SGPP2: variants seen among roughly 807,000 people sequenced by gnomAD.
SGPP2 encodes sphingosine-1-phosphate phosphatase 2.
A neutral mutation model predicts 33.9 loss-of-function variants in SGPP2; 30 were observed. That is an observed-to-expected ratio of 0.89 (90% CI 0.66 to 1.20). The LOEUF is 1.20. Among genes scored for constraint, SGPP2 ranks in the 50% most tolerant of loss-of-function variants. The pLI is 0.00. For synonymous variants in SGPP2, 233 were observed against 225.0 expected, an observed-to-expected ratio of 1.04 and a Z score of -0.32; for missense variants, 458 against 532.1, an observed-to-expected ratio of 0.86 and a Z score of 1.37.
chr2:222,444,133 C>T lies in SGPP2; in HGVS notation c.219+19312C>T, dbSNP rs368062052. Reference sequence around the variant, plus strand: ...GTCTTTTCCAAGAAGAAATTCCTCTCTTGTTGTAGAGCATGGGTGATGGGA... The same window carrying T: ...GTCTTTTCCAAGAAGAAATTCCTCTTTTGTTGTAGAGCATGGGTGATGGGA... On this transcript the variant is annotated intron_variant, in intron 1 of 4. Transcript: ENST00000321276. 3.3e-5 allele frequency among the ~76,000 whole-genome samples: 5 copies of T among 152,316 alleles called. No individual in the cohort carries two copies. The South Asian group carries it at 1.0e-3, about 32-fold the overall frequency.
At position 222,424,642 on chromosome 2, in the gene SGPP2, G is replaced by C. The variant is rs1467057568; in HGVS notation, c.40G>C (p.Val14Leu). Residue 14 changes from valine (V) to leucine (L), a missense_variant, in exon 1 of 5, where the codon GTC (valine) becomes CTC (leucine). Coordinates refer to ENST00000321276, the MANE Select transcript of SGPP2 (RefSeq NM_152386.4). The part of the protein sequence containing the change: ...LLRSLQDSQL[V>L]ARFQRRCGLF... ...GCGGAGCCTGCAGGATTCCCAGCTC[G>C]TCGCCCGCTTCCAGCGCCGCTGCGG... 2.1e-6 allele frequency: 3 copies of C among 1,426,024 alleles called. No homozygotes were observed. Among genetic ancestry groups the C allele is most frequent in the African/African-American group, 1.5e-5 (1 of 67,608 alleles). The allele number at this position is 1,426,024 out of a possible 1,614,324, so 88.3% of individuals were successfully genotyped here. A position where few individuals can be genotyped will look rare whatever the true frequency, so the allele number is the denominator to read the frequency against.
intron 1 of SGPP2, among the ~76,000 whole-genome samples, chr2:222,425,913 T>C (rs1697062454): frequency 6.6e-6 from 1 of 152,130 alleles, no homozygotes; most frequent in Non-Finnish European, 1.5e-5. Context: ...GGTGGTTGTG[T>C]GTTCTACTCC....
At chr2:222,424,431 C>G, upstream of SGPP2, 1 of 222,852 alleles carries the variant, frequency 4.5e-6, no homozygotes. Flanking sequence ...AGGCAGACAC[C>G]TGGGCGGGCG....
At chr2:222,480,917 A>T (rs1283889080) in intron 2 of SGPP2, among the ~76,000 whole-genome samples, 1 of 152,250 alleles carries the variant, frequency 6.6e-6, no homozygotes, top group Non-Finnish European at 1.5e-5. Flanking sequence ...ATGCAGCCAT[A>T]AAAAGGAATG....
intron 4 of SGPP2, among the ~76,000 whole-genome samples, chr2:222,543,467 A>G (rs905595595): frequency 2.6e-5 from 4 of 152,244 alleles, no homozygotes; most frequent in Non-Finnish European, 4.4e-5. Flanking sequence ...TCCTATACAT[A>G]TGCACCTCTG....
intron 3 of SGPP2, 104 bp from the exon 4 acceptor site, chr2:222,524,840 G>T: frequency 3.4e-6 from 3 of 871,654 alleles, no homozygotes; most frequent in South Asian, 1.7e-5. Flanking sequence ...GCAAGATTTG[G>T]ACTAGCAATT....
intron 2 of SGPP2, among the ~76,000 whole-genome samples, chr2:222,485,438 C>T (rs1290796902): frequency 6.6e-6 from 1 of 152,188 alleles, no homozygotes; most frequent in Non-Finnish European, 1.5e-5. Flanking sequence ...ATCACAGGGA[C>T]CTAGCAGGGC....
At chr2:222,493,899 A>G (rs1342263884) in intron 2 of SGPP2, among the ~76,000 whole-genome samples, 2 of 152,226 alleles carry the variant, frequency 1.3e-5, no homozygotes, top group African/African-American at 4.8e-5. Flanking sequence ...CACCAAATCA[A>G]GACTAATCTG....
rs537537664 is a variant in SGPP2 at position 222,495,469 on chromosome 2, A to T, written c.378+20743A>T. ...TGCACCGAAGTCCTTTTATATTCAA[A>T]TTTTCTCCTGCAAATGAAAAACTGT... is the stretch of plus-strand genomic sequence containing the variant. On this transcript the variant is annotated intron_variant, in intron 2 of 4. Transcript: ENST00000321276. 4.6e-5 allele frequency among the ~76,000 whole-genome samples: 7 copies of T among 152,218 alleles called. No homozygotes were observed. In the East Asian group the frequency reaches 1.4e-3, roughly 29 times the overall value.
chr2:222,524,353 G>A (rs16863841), intron 3 of SGPP2, among the ~76,000 whole-genome samples: 3,497 of 152,304 alleles, frequency 0.023, 144 homozygotes, highest in African/African-American at 0.077. Flanking sequence ...GTATCTGTGT[G>A]TTCCTTATAT....
chr2:222,461,990 C>T (rs1193249336), intron 1 of SGPP2, among the ~76,000 whole-genome samples: 1 of 152,122 alleles, frequency 6.6e-6, no homozygotes, highest in East Asian at 1.9e-4. Flanking sequence ...GGGGACTGTC[C>T]CTCTGCCTCA....
chr2:222,548,667 G>A (rs185172229), intron 4 of SGPP2, among the ~76,000 whole-genome samples: 84 of 152,134 alleles, frequency 5.5e-4, no homozygotes, highest in African/African-American at 1.9e-3. Flanking sequence ...TCCTGCTTTT[G>A]ACTGATCCCT....
chr2:222,478,282 TG>T (rs1697980035), intron 2 of SGPP2, among the ~76,000 whole-genome samples: 1 of 151,598 alleles, frequency 6.6e-6, no homozygotes, highest in Non-Finnish European at 1.5e-5. Context: ...TGTGTGTGTG[TG>T]TGTGTGTGTG....
At chr2:222,434,975 T>TATAC (rs1235621885) in intron 1 of SGPP2, among the ~76,000 whole-genome samples, 15 of 146,088 alleles carry the variant, frequency 1.0e-4, no homozygotes, top group African/African-American at 3.6e-4. Context: ...TGGAGATATA[T>TATAC]ACACACACAC....
chr2:222,547,879 G>T (rs923668203), intron 4 of SGPP2, among the ~76,000 whole-genome samples: 1 of 152,034 alleles, frequency 6.6e-6, no homozygotes, highest in Non-Finnish European at 1.5e-5. Context: ...AATATAAAAT[G>T]AATATGTGTG....
intron 4 of SGPP2, among the ~76,000 whole-genome samples, chr2:222,543,123 G>T (rs1699021957): frequency 6.6e-6 from 1 of 152,156 alleles, no homozygotes; most frequent in Admixed American, 6.5e-5. Flanking sequence ...TACAACTTTT[G>T]TGTCTTGTGT....
In SGPP2 at chr2:222,476,679, A is replaced by ATG. The variant is rs1222487347; in HGVS notation, c.378+1964_378+1965dup. Among the ~76,000 whole-genome samples the ATG allele has an allele frequency of 2.6e-5, 4 of 151,166 alleles. No homozygotes were observed. The highest frequency in any genetic ancestry group is 9.7e-5 in the African/African-American group (4 of 41,148). On this transcript the variant is annotated intron_variant, in intron 2 of 4. Coordinates refer to ENST00000321276, the MANE Select transcript of SGPP2 (RefSeq NM_152386.4). The surrounding 1 kb of genome is among the most constrained non-coding windows in gnomAD (Gnocchi z 4.3). Reference sequence around the variant, plus strand: ...TTCCTACTGTCGTTTATTTTCTAAGATGTGTGTGTGTGCGTGTGTAAGGTA... The same window carrying ATG: ...TTCCTACTGTCGTTTATTTTCTAAGATGTGTGTGTGTGTGCGTGTGTAAGGTA...
chr2:222,467,834 T>C (rs1574845697), intron 1 of SGPP2, among the ~76,000 whole-genome samples: 1 of 151,472 alleles, frequency 6.6e-6, no homozygotes. Context: ...TTAAACTGGA[T>C]GGCTTAGAGT....
At chr2:222,508,145 T>A (rs1277815267) in intron 2 of SGPP2, among the ~76,000 whole-genome samples, 1 of 152,246 alleles carries the variant, frequency 6.6e-6, no homozygotes, top group Non-Finnish European at 1.5e-5. Flanking sequence ...TCAGATGTGA[T>A]ATCGTAATCT....
Sources: allele counts gnomAD v4.1 joint callset (sites outside exome capture counted in the v4.1 genomes callset), GRCh38; gene constraint gnomAD v4.1.1; non-coding constraint Gnocchi (gnomAD v3.1); transcripts MANE v1.5; gene names NCBI Gene and HGNC (gene_info 2026-07-23, HGNC 2026-07-21).